Variants in RYR3 observed in about 807,000 individuals in gnomAD.
RYR3 encodes brain ryanodine receptor-calcium release channel.
RYR3 carries 207 observed loss-of-function variants against 584.3 expected under a neutral mutation model. The observed-to-expected ratio is 0.35, with a 90% CI of 0.32 to 0.40. The LOEUF (loss-of-function observed/expected upper bound fraction) is 0.40, where lower values mean the gene tolerates loss of function less well. RYR3 is among the 10% of genes least tolerant of loss of function. The pLI is 1.00. For missense variants in RYR3, 5,616 were observed against 6,089.2 expected, an observed-to-expected ratio of 0.92 and a Z score of 2.59; for synonymous variants, 2,416 against 2,248.5, an observed-to-expected ratio of 1.07 and a Z score of -2.11.
chr15:33,504,649 GA>G (rs2142773463), intron 3 of RYR3, among the ~76,000 whole-genome samples: 1 of 152,252 alleles, frequency 6.6e-6, no homozygotes, highest in South Asian at 2.1e-4. Flanking sequence ...ATTATTTTGA[GA>G]TAAATTCCAA....
chr15:33,684,134 G>C (rs1335586857), intron 38 of RYR3, among the ~76,000 whole-genome samples: 1 of 152,262 alleles, frequency 6.6e-6, no homozygotes, highest in Non-Finnish European at 1.5e-5. Context: ...GAGAGCAGTG[G>C]TTCTCCCAGC....
intron 70 of RYR3, among the ~76,000 whole-genome samples, chr15:33,808,025 C>T (rs1235398812): frequency 6.6e-6 from 1 of 152,156 alleles, no homozygotes. Context: ...CTTCCAAAGC[C>T]TACCCTGGGA....
chr15:33,748,276 C>T lies in RYR3; in HGVS notation c.8136+16C>T. On this transcript the variant is annotated intron_variant, in intron 54 of 103. Coordinates refer to ENST00000634891, the MANE Select transcript of RYR3 (RefSeq NM_001036.6). ...GGCCAACCAGGTATGACACCACACC[C>T]AGAGGCCCACGCTGGGCCGATGGAA... 6.2e-7 allele frequency: 1 copy of T among 1,612,908 alleles called. No individual in the cohort carries two copies.
chr15:33,340,740 T>C (rs1005931807), intron 1 of RYR3, among the ~76,000 whole-genome samples: 2 of 152,192 alleles, frequency 1.3e-5, no homozygotes, highest in Non-Finnish European at 1.5e-5. Flanking sequence ...AATTATCTCT[T>C]TAAAGGCCCT....
chr15:33,604,239 G>GA (rs1325883370), intron 18 of RYR3, among the ~76,000 whole-genome samples: 1 of 152,200 alleles, frequency 6.6e-6, no homozygotes, highest in African/African-American at 2.4e-5. Context: ...CAGTACAAAG[G>GA]AAAAGTTTAC....
At chr15:33,786,016 G>T (rs749576269) in intron 66 of RYR3, 34 bp downstream of exon 66, 15 of 1,467,592 alleles carry the variant, frequency 1.0e-5, no homozygotes, top group Middle Eastern at 1.8e-4. Flanking sequence ...CCCCAGCCCA[G>T]GGGCCAAGAT....
intron 1 of RYR3, among the ~76,000 whole-genome samples, chr15:33,435,530 T>C (rs1048057039): frequency 3.3e-5 from 5 of 152,212 alleles, no homozygotes; most frequent in African/African-American, 1.2e-4. Context: ...GAGAATTTCT[T>C]CAGGATTTAT....
intron 43 of RYR3, among the ~76,000 whole-genome samples, chr15:33,709,701 T>G (rs1472724024): frequency 6.6e-6 from 1 of 152,208 alleles, no homozygotes; most frequent in African/African-American, 2.4e-5. Flanking sequence ...CTCCTTGATC[T>G]TGGACTTCTC....
In RYR3 at chr15:33,336,171, C is replaced by G. The variant is rs144165812; in HGVS notation, c.51+25075C>G. 5.6e-3 allele frequency among the ~76,000 whole-genome samples: 848 copies of G among 152,082 alleles called. 7 individuals carry two copies. The highest frequency in any genetic ancestry group is 0.019 in the African/African-American group (799 of 41,466). On this transcript the variant is annotated intron_variant, in intron 1 of 103. Transcript: ENST00000634891. ...AAAGATCAGCAAAAAGCACCATGAGCCTGTAATCTCAGCACTTTGGGAGGC... is the reference window on the plus strand; with the variant it reads ...AAAGATCAGCAAAAAGCACCATGAGGCTGTAATCTCAGCACTTTGGGAGGC...
chr15:33,327,935 C>T (rs1969924503), intron 1 of RYR3, among the ~76,000 whole-genome samples: 1 of 152,158 alleles, frequency 6.6e-6, no homozygotes, highest in African/African-American at 2.4e-5. Context: ...AATCCACATT[C>T]AGAAATTGCA....
chr15:33,598,971 C>T (rs1011687762), intron 16 of RYR3, among the ~76,000 whole-genome samples: 3 of 151,912 alleles, frequency 2.0e-5, no homozygotes, highest in African/African-American at 2.4e-5. Flanking sequence ...AGGAGAATGG[C>T]GGGAACCCAG....
At chr15:33,617,686 A>C (rs1337533935) in intron 19 of RYR3, among the ~76,000 whole-genome samples, 1 of 152,012 alleles carries the variant, frequency 6.6e-6, no homozygotes, top group Non-Finnish European at 1.5e-5. Context: ...CCTTGTCTTG[A>C]ATTTTTAAAA....
Position 33,412,328 on chromosome 15 carries a change from G to A in RYR3, c.52-61091G>A, listed in dbSNP as rs988900931. Among the ~76,000 whole-genome samples, 10 of 152,048 alleles carry A rather than the reference G, an allele frequency of 6.6e-5. No homozygotes were observed. The highest frequency in any genetic ancestry group is 1.5e-4 in the Non-Finnish European group (10 of 68,020). On this transcript the variant is annotated intron_variant, in intron 1 of 103. Coordinates refer to ENST00000634891, the MANE Select transcript of RYR3 (RefSeq NM_001036.6). The surrounding 1 kb of genome is among the most constrained non-coding windows in gnomAD (Gnocchi z 4.3). ...CCAGTGACCTCTTCCAAGTGCCAAAGGTATGTTCTCAAGCTGAATTTGGGC... is the reference window on the plus strand; with the variant it reads ...CCAGTGACCTCTTCCAAGTGCCAAAAGTATGTTCTCAAGCTGAATTTGGGC...
intron 38 of RYR3, among the ~76,000 whole-genome samples, chr15:33,692,987 C>A (rs949781462): frequency 6.6e-6 from 1 of 152,142 alleles, no homozygotes; most frequent in African/African-American, 2.4e-5. Context: ...GTTAGCAATT[C>A]CACCAGATCT....
Position 33,361,641 on chromosome 15 carries a change from C to T in RYR3, c.51+50545C>T, listed in dbSNP as rs1472438215. ...CTAAATAAGCAGCAGAAAGGACTTC[C>T]TTCGCTGTGACTTCCTTTACAAGTT... On this transcript the variant is annotated intron_variant, in intron 1 of 103. Transcript: ENST00000634891. 3.3e-5 allele frequency among the ~76,000 whole-genome samples: 5 copies of T among 152,158 alleles called. No individual in the cohort carries two copies. The East Asian group carries it at 7.7e-4, about 23-fold the overall frequency.
rs141829404 is a variant in RYR3 at position 33,441,313 on chromosome 15, TA to T, written c.52-32097del. Among the ~76,000 whole-genome samples, 5 of 151,862 alleles carry T rather than the reference TA, an allele frequency of 3.3e-5. No homozygotes were observed. The South Asian group carries it at 6.3e-4, about 19-fold the overall frequency. ...CAGTATTAACTAATGTCACTTTGAT[TA>T]AAAAAAAACTTAGGATGAATATTTC... On this transcript the variant is annotated intron_variant, in intron 1 of 103. Coordinates refer to ENST00000634891, the MANE Select transcript of RYR3 (RefSeq NM_001036.6).
At position 33,311,866 on chromosome 15, in the gene RYR3, G is replaced by A. The variant is rs1227913413; in HGVS notation, c.51+770G>A. Among the ~76,000 whole-genome samples, 1 of 152,202 alleles carries A rather than the reference G, an allele frequency of 6.6e-6. No homozygotes were observed. The highest frequency in any genetic ancestry group is 1.5e-5 in the Non-Finnish European group (1 of 68,042). ...CCGTCCCAGATTTGGGGGTGAGGGG[G>A]CGAAGTCTGTTGCAGCCACACCAGC... On this transcript the variant is annotated intron_variant, in intron 1 of 103. Transcript: ENST00000634891. The surrounding 1 kb of genome is among the most constrained non-coding windows in gnomAD (Gnocchi z 4.4).
intron 1 of RYR3, among the ~76,000 whole-genome samples, chr15:33,325,347 C>T (rs537067627): frequency 6.6e-5 from 10 of 152,306 alleles, no homozygotes; most frequent in African/African-American, 2.2e-4. Flanking sequence ...GGAGCATAAA[C>T]CCAGCCATCA....
At chr15:33,670,143 C>A (rs1021508197) in intron 37 of RYR3, among the ~76,000 whole-genome samples, 2 of 152,216 alleles carry the variant, frequency 1.3e-5, no homozygotes, top group African/African-American at 4.8e-5. Context: ...TGTATGTAAT[C>A]CCCCTTACAC....
Sources: gnomAD v4.1 joint callset for allele counts (sites outside exome capture counted in the v4.1 genomes callset) on GRCh38, gnomAD v4.1.1 for gene constraint, Gnocchi (gnomAD v3.1) non-coding constraint, MANE v1.5 for transcripts, NCBI Gene and HGNC (gene_info 2026-07-23, HGNC 2026-07-21) for gene names.